The following CELF2 variants were observed in gnomAD, a reference collection of about 807,000 sequenced individuals.
CELF2 encodes the protein CUGBP Elav-like family member 2, also known as CUG triplet repeat RNA-binding protein 2.
Under a neutral mutation model 62.6 loss-of-function variants are expected in CELF2, and 8 were observed. The ratio of observed to expected loss-of-function variants is 0.13; its 90% CI spans 0.07 to 0.23. The LOEUF (loss-of-function observed/expected upper bound fraction) is 0.23. Among genes scored for constraint, CELF2 ranks in the 10% least tolerant of loss-of-function variants. CELF2 has a pLI of 1.00. For missense variants in CELF2, 333 were observed against 671.0 expected (o/e 0.50, Z 5.56); for synonymous variants, 258 against 250.0 (o/e 1.03, Z -0.30).
chr10:10,881,789 A>G (rs552184976), intron 1 of CELF2, among the ~76,000 whole-genome samples: 2 of 152,284 alleles, frequency 1.3e-5, no homozygotes, highest in Non-Finnish European at 2.9e-5. Flanking sequence ...GTTGTTATGC[A>G]TATGCCAGAC....
rs191056936 is a variant in CELF2, at chr10:11,264,806, C to T, written c.539-1792C>T. ...CTACAGTCAGTCTTAGTACAGGTAG[C>T]GTGTTCAGATAGTAAGCTTCATCAG... On this transcript the variant is annotated intron_variant, in intron 5 of 12. Coordinates refer to ENST00000633077, the MANE Select transcript of CELF2 (RefSeq NM_001326342.2). 2.4e-4 allele frequency among the ~76,000 whole-genome samples: 37 copies of T among 152,266 alleles called. No individual in the cohort carries two copies. The East Asian group carries it at 6.6e-3, about 27-fold the overall frequency.
chr10:10,622,956 G>A, the CELF2 span, among the ~76,000 whole-genome samples: 3 of 151,684 alleles, frequency 2.0e-5, no homozygotes, highest in East Asian at 2.0e-4. Flanking sequence ...GGTGGCGGGC[G>A]CCTGTAGTCC....
the CELF2 span, among the ~76,000 whole-genome samples, chr10:10,533,014 T>C: frequency 6.6e-6 from 1 of 152,170 alleles, no homozygotes; most frequent in Non-Finnish European, 1.5e-5. Context: ...CTGAGTGCTG[T>C]CTCTGCAAAT....
intron 1 of CELF2, among the ~76,000 whole-genome samples, chr10:10,822,715 A>T (rs542925813): frequency 6.6e-5 from 10 of 152,250 alleles, no homozygotes; most frequent in African/African-American, 2.4e-4. Context: ...TTCATATGTC[A>T]GAAAGAGAGA....
chr10:10,609,287 C>T, the CELF2 span, among the ~76,000 whole-genome samples: 2 of 152,284 alleles, frequency 1.3e-5, no homozygotes, highest in African/African-American at 4.8e-5. Context: ...TTTGCTGCCA[C>T]CAGCACTACC....
chr10:10,489,051 G>T, the CELF2 span, among the ~76,000 whole-genome samples: 4 of 152,052 alleles, frequency 2.6e-5, no homozygotes, highest in Non-Finnish European at 4.4e-5. Context: ...TAATTTCAGC[G>T]AATGCGGTTC....
chr10:11,289,190 T>C (rs945439858), intron 9 of CELF2, among the ~76,000 whole-genome samples: 1 of 152,186 alleles, frequency 6.6e-6, no homozygotes, highest in African/African-American at 2.4e-5. Flanking sequence ...TGTTTTTTTT[T>C]AATTTAAAAA....
At chr10:10,989,999 G>A (rs2053252702) in intron 2 of CELF2, among the ~76,000 whole-genome samples, 1 of 152,016 alleles carries the variant, frequency 6.6e-6, no homozygotes, top group African/African-American at 2.4e-5. Context: ...TTGTATATGG[G>A]GGAATGTCCA....
intron 1 of CELF2, among the ~76,000 whole-genome samples, chr10:11,109,986 C>T (rs538947877): frequency 7.9e-5 from 12 of 152,236 alleles, no homozygotes; most frequent in African/African-American, 2.4e-4. Flanking sequence ...GGGCTGGAAG[C>T]GGTGGCTCAT....
chr10:11,139,929 G>A (rs796873733), intron 1 of CELF2, among the ~76,000 whole-genome samples: 11 of 149,000 alleles, frequency 7.4e-5, no homozygotes, highest in African/African-American at 2.2e-4. Flanking sequence ...ATTTCTCTTC[G>A]TCTCCACTGT....
At chr10:10,471,881 T>C in the CELF2 span, among the ~76,000 whole-genome samples, 1 of 151,860 alleles carries the variant, frequency 6.6e-6, no homozygotes, top group Non-Finnish European at 1.5e-5. Flanking sequence ...GAATTAATTA[T>C]TGACCAATTG....
In CELF2 at chr10:11,153,173, C is replaced by T. The variant is rs1034388900; in HGVS notation, c.75-12313C>T. Reference sequence around the variant, plus strand: ...TTTTTTGCTGTTGTTCAGGTTGACCCACCACATTTAAGCCATTCTAGAGGG... The same window carrying T: ...TTTTTTGCTGTTGTTCAGGTTGACCTACCACATTTAAGCCATTCTAGAGGG... On this transcript the variant is annotated intron_variant, in intron 1 of 12. Coordinates refer to ENST00000633077, the MANE Select transcript of CELF2 (RefSeq NM_001326342.2). Among the ~76,000 whole-genome samples, 11 of 152,146 alleles carry T rather than the reference C, an allele frequency of 7.2e-5. No homozygotes were observed. In the East Asian group the frequency reaches 1.7e-3, roughly 24 times the overall value.
intron 1 of CELF2, among the ~76,000 whole-genome samples, chr10:10,806,831 A>G (rs2055285818): frequency 6.6e-6 from 1 of 152,198 alleles, no homozygotes; most frequent in African/African-American, 2.4e-5. Context: ...TATGTGTAAG[A>G]TGGAAGGATC....
chr10:11,062,663 C>T lies in CELF2; in HGVS notation c.74+44500C>T, dbSNP rs777338824. On this transcript the variant is annotated intron_variant, in intron 1 of 12. Transcript: ENST00000633077. ...TGAACAGATGAGCAGTTGCTTCTTA[C>T]GGATGAGCAAAGAAATCGGTTTCTG... 6.6e-5 allele frequency among the ~76,000 whole-genome samples: 10 copies of T among 152,252 alleles called. No homozygotes were observed. The East Asian group carries it at 1.5e-3, about 23-fold the overall frequency.
At chr10:11,236,640 G>A (rs990030630) in intron 3 of CELF2, among the ~76,000 whole-genome samples, 1 of 152,150 alleles carries the variant, frequency 6.6e-6, no homozygotes, top group Non-Finnish European at 1.5e-5. Context: ...GGTTTCATTC[G>A]TATGCAATAT....
chr10:10,763,440 C>T, the CELF2 span, among the ~76,000 whole-genome samples: 2 of 152,170 alleles, frequency 1.3e-5, no homozygotes, highest in East Asian at 1.9e-4. Context: ...CTCACACAAC[C>T]TGGAAACGCT....
At position 11,046,101 on chromosome 10, in the gene CELF2, C is replaced by T. The variant is rs544511995; in HGVS notation, c.74+27938C>T. On this transcript the variant is annotated intron_variant, in intron 1 of 12. Coordinates refer to ENST00000633077, the MANE Select transcript of CELF2 (RefSeq NM_001326342.2). This position sits in a 1 kb window ranked among gnomAD's most constrained non-coding sequence, Gnocchi z 4.6. ...ACCAGCTGACTTGAGCTGTCTACAC[C>T]TTCCAGCTCTGTTCTATTTGCTGCT... is the stretch of plus-strand genomic sequence containing the variant. Among the ~76,000 whole-genome samples, 2 of 152,322 alleles carry T rather than the reference C, an allele frequency of 1.3e-5. No homozygotes were observed. Among genetic ancestry groups the T allele is most frequent in the South Asian group, 4.1e-4 (2 of 4,826 alleles).
rs1419796817 is a variant in CELF2 at position 11,255,986 on chromosome 10, G to A, written c.404-1752G>A. 6.6e-6 allele frequency among the ~76,000 whole-genome samples: 1 copy of A among 152,134 alleles called. No homozygotes were observed. Among genetic ancestry groups the A allele is most frequent in the Non-Finnish European group, 1.5e-5 (1 of 68,012 alleles). ...CTGGGAGGAGGACTCCAGGCTGTGG[G>A]CCAGGCTGGATGACCCTAGGCAGGT... is the stretch of plus-strand genomic sequence containing the variant. On this transcript the variant is annotated intron_variant, in intron 4 of 12. Coordinates refer to ENST00000633077, the MANE Select transcript of CELF2 (RefSeq NM_001326342.2). The surrounding 1 kb of genome is among the most constrained non-coding windows in gnomAD (Gnocchi z 5.5).
At chr10:11,215,017 C>G (rs1469955024) in intron 2 of CELF2, among the ~76,000 whole-genome samples, 1 of 152,150 alleles carries the variant, frequency 6.6e-6, no homozygotes, top group African/African-American at 2.4e-5. Flanking sequence ...TTCTGAAAAA[C>G]AAAAACCACC....
Sources: gnomAD v4.1 joint callset for allele counts (sites outside exome capture counted in the v4.1 genomes callset) on GRCh38, gnomAD v4.1.1 for gene constraint, Gnocchi (gnomAD v3.1) non-coding constraint, MANE v1.5 for transcripts, NCBI Gene and HGNC (gene_info 2026-07-23, HGNC 2026-07-21) for gene names.